TECPR1: variants seen among roughly 807,000 people sequenced by gnomAD.
The protein encoded by TECPR1 is tectonin beta-propeller repeat-containing protein 1.
A neutral mutation model predicts 162.4 loss-of-function variants in TECPR1; 122 were observed. That is an observed-to-expected ratio of 0.75 (90% confidence interval 0.65 to 0.87). The LOEUF (loss-of-function observed/expected upper bound fraction) is 0.87. Ranked by LOEUF, TECPR1 falls within the 40% of genes least tolerant of loss-of-function variation. TECPR1 has a pLI of 0.00. For missense variants in TECPR1, 1,432 were observed against 1,618.2 expected (o/e 0.88, Z 1.97); for synonymous variants, 642 against 670.6 (o/e 0.96, Z 0.66).
Position 98,217,316 on chromosome 7 carries a change from T to G in TECPR1, c.*74A>C. On this transcript the variant is annotated 3_prime_UTR_variant, in exon 26 of 26. Transcript: ENST00000447648. Reference sequence around the variant, plus strand: ...GCCACATTGCTCCCACGGTGCACACTCCAGCACAAGAATGGCTCAGCCTTG... The same window carrying G: ...GCCACATTGCTCCCACGGTGCACACGCCAGCACAAGAATGGCTCAGCCTTG... The G allele has an allele frequency of 9.7e-7, 1 of 1,034,274 alleles. No homozygotes were observed. Among genetic ancestry groups the G allele is most frequent in the Non-Finnish European group, 1.4e-6 (1 of 720,094 alleles). The allele number at this position is 1,034,274 out of a possible 1,614,324, so 64.1% of individuals were successfully genotyped here.
At position 98,231,810 on chromosome 7, in the gene TECPR1, C is replaced by T; in HGVS notation, c.1968G>A (p.Glu656=). 1 of 1,611,116 alleles carries T rather than the reference C, an allele frequency of 6.2e-7. No homozygotes were observed. Among genetic ancestry groups the T allele is most frequent in the Non-Finnish European group, 8.5e-7 (1 of 1,178,436 alleles). Residue 656 remains glutamate, a synonymous_variant, in exon 13 of 26, where the codon GAG becomes GAA. Transcript: ENST00000447648. ...ILFIYYVVHE[E]KKYIHIFLNE... ...CTGTGGGACCCGTGGGCACCTTCTT[C>T]TCCTCGTGGACCACATAGTAGATGA...
In TECPR1 at chr7:98,231,719, G is replaced by T. The variant is rs995373340; in HGVS notation, c.1974+85C>A. The T allele has an allele frequency of 2.0e-6, 3 of 1,502,408 alleles. No individual in the cohort carries two copies. In the African/African-American group the frequency reaches 4.3e-5, roughly 21 times the overall value. The allele number at this position is 1,502,408 out of a possible 1,614,324, so 93.1% of individuals were successfully genotyped here. A position where few individuals can be genotyped will look rare whatever the true frequency, so the allele number is the denominator to read the frequency against. Reference sequence around the variant, plus strand: ...CCCTCATTTCTGTACCCCTCCCCTGGGCACCCCCATTTCTGTACCCCTCCT... The same window carrying T: ...CCCTCATTTCTGTACCCCTCCCCTGTGCACCCCCATTTCTGTACCCCTCCT... On this transcript the variant is annotated intron_variant, in intron 13 of 25. Transcript: ENST00000447648.
intron 3 of TECPR1, 123 bp from the exon 4 acceptor site, chr7:98,245,190 T>C: frequency 2.7e-6 from 3 of 1,104,022 alleles, no homozygotes; most frequent in Non-Finnish European, 3.9e-6. Flanking sequence ...ATCTCCAGAA[T>C]AGGAAGTGAG....
In TECPR1 at chr7:98,224,989, G is replaced by T. The variant is rs370602624; in HGVS notation, c.2610+17C>A. The T allele has an allele frequency of 1.3e-6, 2 of 1,543,398 alleles. No homozygotes were observed. The highest frequency in any genetic ancestry group is 1.7e-6 in the Non-Finnish European group (2 of 1,144,162). On this transcript the variant is annotated intron_variant, in intron 18 of 25. Transcript: ENST00000447648. ...GAGGGCGGATTCCCAACCCCCCAGG[G>T]GGCAGCGGGACCTCACCCAGGCCCA...
intron 20 of TECPR1, 69 bp from the exon 21 acceptor site, chr7:98,223,239 C>G: frequency 6.8e-7 from 1 of 1,462,714 alleles, no homozygotes; most frequent in Non-Finnish European, 9.2e-7. Context: ...GCCTCTGCCT[C>G]TGGAGCCAGG....
At chr7:98,229,893 C>A (rs555297695) in intron 15 of TECPR1, among the ~76,000 whole-genome samples, 21 of 152,186 alleles carry the variant, frequency 1.4e-4, no homozygotes, top group Non-Finnish European at 2.2e-4. Flanking sequence ...CTCTGTCCCA[C>A]AGGGGACAGA....
At position 98,241,981 on chromosome 7, in the gene TECPR1, C is replaced by T. The variant is rs553677750; in HGVS notation, c.658-737G>A. Among the ~76,000 whole-genome samples the T allele has an allele frequency of 3.3e-5, 5 of 152,320 alleles. No homozygotes were observed. The highest frequency in any genetic ancestry group is 4.1e-4 in the South Asian group (2 of 4,822). ...CACGGCCGACATTCCAGGACACAAA[C>T]GCTGCTCTGCAGCCCCTGTTCTCCC... On this transcript the variant is annotated intron_variant, in intron 6 of 25. Transcript: ENST00000447648. The surrounding 1 kb of genome is among the most constrained non-coding windows in gnomAD (Gnocchi z 5.0).
In TECPR1 at chr7:98,232,032, G is replaced by A; in HGVS notation, c.1819-73C>T. ...CCAGGGGAGGAGGGCGGGGCTGGGG[G>A]TGCCCAGAGGAGGAGGCAGGGCTGG... On this transcript the variant is annotated intron_variant, in intron 12 of 25. Coordinates refer to ENST00000447648, the MANE Select transcript of TECPR1 (RefSeq NM_015395.3). The surrounding 1 kb of genome is among the most constrained non-coding windows in gnomAD (Gnocchi z 4.6). The A allele has an allele frequency of 2.7e-6, 4 of 1,501,106 alleles. No individual in the cohort carries two copies. The highest frequency in any genetic ancestry group is 3.6e-6 in the Non-Finnish European group (4 of 1,118,682). The allele number at this position is 1,501,106 out of a possible 1,614,324, so 93.0% of individuals were successfully genotyped here. A position where few individuals can be genotyped will look rare whatever the true frequency, so the allele number is the denominator to read the frequency against.
Position 98,231,116 on chromosome 7 carries a change from G to A in TECPR1, c.2127C>T (p.Leu709=), listed in dbSNP as rs571264198. 35 of 1,600,778 alleles carry A rather than the reference G, an allele frequency of 2.2e-5. No homozygotes were observed. Among genetic ancestry groups the A allele is most frequent in the African/African-American group, 6.7e-5 (5 of 74,690 alleles). ...AATEQDMNDW[L]ALLSLSCCES... ...CGCAGCAAGACAGGCTGAGCAGGGC[G>A]AGCTGGTGTGGCACAATGCCGGTCA... is the stretch of plus-strand genomic sequence containing the variant. The change falls in exon 15 of 26, where the codon CTC becomes CTT. Residue 709 remains leucine, a splice_region_variant and synonymous_variant. Transcript: ENST00000447648.
At position 98,246,101 on chromosome 7, in the gene TECPR1, A is replaced by T; in HGVS notation, c.46T>A (p.Tyr16Asn). The change falls in exon 3 of 26, where the codon TAC becomes AAC. Residue 16 changes from tyrosine to asparagine, a missense_variant. Transcript: ENST00000447648. The stretch of plus-strand genomic sequence containing the variant: ...TACTGGCCTGCTGTGGACAGCGTGT[A>T]CACTCTCCCGAAGAGGTCCACCGCC... Reference protein sequence around the residue: ...LWAVDLFGRVYTLSTAGQYWE... With the variant: ...LWAVDLFGRVNTLSTAGQYWE... 6.4e-7 allele frequency: 1 copy of T among 1,556,982 alleles called. No homozygotes were observed. Among genetic ancestry groups the T allele is most frequent in the Non-Finnish European group, 8.7e-7 (1 of 1,151,330 alleles).
intron 13 of TECPR1, 31 bp downstream of exon 13, chr7:98,231,773 T>C (rs761510824): frequency 6.3e-7 from 1 of 1,590,196 alleles, no homozygotes; most frequent in Admixed American, 1.7e-5. Flanking sequence ...GTCCCCTCCC[T>C]GGCCCCATCT....
chr7:98,242,941 C>T (rs1359563991), intron 6 of TECPR1, among the ~76,000 whole-genome samples: 3 of 135,094 alleles, frequency 2.2e-5, no homozygotes, highest in Non-Finnish European at 4.8e-5. Flanking sequence ...CCCATCCACA[C>T]ACCCACCCAC....
At chr7:98,234,346 G>T (rs1798535512) in intron 10 of TECPR1, among the ~76,000 whole-genome samples, 1 of 152,058 alleles carries the variant, frequency 6.6e-6, no homozygotes, top group Non-Finnish European at 1.5e-5. Flanking sequence ...GTAGAGACGG[G>T]GTTTCACCAT....
rs1246833299 is a variant in TECPR1, at chr7:98,225,033, C to G, written c.2583G>C (p.Thr861=). The change falls in exon 18 of 26, where the codon ACG becomes ACC. Residue 861 remains threonine, a synonymous_variant. Transcript: ENST00000447648. ...SGLQECTKAG[T]KPPSLQWAWV... Reference sequence around the variant, plus strand: ...AGGCCCACTGCAGGGACGGGGGCTTCGTGCCAGCCTTCGTGCACTCCTGCA... The same window carrying G: ...AGGCCCACTGCAGGGACGGGGGCTTGGTGCCAGCCTTCGTGCACTCCTGCA... 6 of 1,556,352 alleles carry G rather than the reference C, an allele frequency of 3.9e-6. No homozygotes were observed. In the East Asian group the frequency reaches 1.4e-4, roughly 37 times the overall value.
intron 10 of TECPR1, among the ~76,000 whole-genome samples, chr7:98,235,038 A>C (rs569550090): frequency 1.3e-5 from 2 of 151,048 alleles, no homozygotes; most frequent in Non-Finnish European, 3.0e-5. Flanking sequence ...CTGACTTTTC[A>C]CTCTCTTGAT....
At chr7:98,237,063 T>G (rs1584346421) in intron 9 of TECPR1, 142 bp from the exon 10 acceptor site, 1 of 945,336 alleles carries the variant, frequency 1.1e-6, no homozygotes. Flanking sequence ...GGCTGTGTGG[T>G]GGGCACAGAA....
chr7:98,246,740 G>C (rs544231668), intron 2 of TECPR1, among the ~76,000 whole-genome samples: 1 of 151,624 alleles, frequency 6.6e-6, no homozygotes, highest in Non-Finnish European at 1.5e-5. Flanking sequence ...ACGCCACCAC[G>C]CCTGGCTAAT....
intron 9 of TECPR1, 58 bp downstream of exon 9, chr7:98,238,448 GCAT>G: frequency 7.3e-7 from 1 of 1,364,048 alleles, no homozygotes; most frequent in Non-Finnish European, 1.0e-6. Context: ...CTATTGGGTG[GCAT>G]CAGGAGCCCC....
intron 5 of TECPR1, 50 bp from the exon 6 acceptor site, chr7:98,243,642 T>C: frequency 6.3e-7 from 1 of 1,588,314 alleles, no homozygotes; most frequent in Non-Finnish European, 8.6e-7. Context: ...AGTGGGCACC[T>C]GGGCATGCAC....
Sources: allele counts gnomAD v4.1 joint callset (sites outside exome capture counted in the v4.1 genomes callset), GRCh38; gene constraint gnomAD v4.1.1; non-coding constraint Gnocchi (gnomAD v3.1); transcripts MANE v1.5; gene names NCBI Gene and HGNC (gene_info 2026-07-23, HGNC 2026-07-21).